PDE2A: variants seen among roughly 807,000 people sequenced by gnomAD.
PDE2A encodes the protein cGMP-dependent 3',5'-cyclic phosphodiesterase.
Under a neutral mutation model 133.6 loss-of-function variants are expected in PDE2A, and 53 were observed. The ratio of observed to expected loss-of-function variants is 0.40; its 90% CI spans 0.32 to 0.50. The LOEUF (loss-of-function observed/expected upper bound fraction) is 0.50, where lower values mean the gene tolerates loss of function less well. Among genes scored for constraint, PDE2A ranks in the 20% least tolerant of loss-of-function variants. The pLI, the probability that PDE2A is intolerant of heterozygous loss-of-function variation, is 0.73. For missense variants in PDE2A, 796 were observed against 1,232.4 expected, an observed-to-expected ratio of 0.65 and a Z score of 5.30; for synonymous variants, 491 against 490.2, an observed-to-expected ratio of 1.00 and a Z score of -0.02.
chr11:72,673,527 C>A (rs1212980274), intron 1 of PDE2A, among the ~76,000 whole-genome samples: 3 of 152,080 alleles, frequency 2.0e-5, no homozygotes, highest in Non-Finnish European at 4.4e-5. Flanking sequence ...GAGGCTGGCA[C>A]CATATTCCAT....
At position 72,581,533 on chromosome 11, in the gene PDE2A, G is replaced by A. The variant is rs879198670; in HGVS notation, c.1923-54C>T. 114 of 1,540,394 alleles carry A rather than the reference G, an allele frequency of 7.4e-5. 3 individuals are homozygous for A. The South Asian group carries it at 8.8e-4, about 12-fold the overall frequency. ...GCCTCAGCCTCTCCTCCTCCATCAC[G>A]GCCCCATGATGGCAAACTACATGTC... On this transcript the variant is annotated intron_variant, in intron 22 of 30. Coordinates refer to ENST00000334456, the MANE Select transcript of PDE2A (RefSeq NM_002599.5).
At chr11:72,584,799 G>A (rs1591020386) in intron 17 of PDE2A, 71 bp from the exon 18 acceptor site, 1 of 1,608,846 alleles carries the variant, frequency 6.2e-7, no homozygotes, top group Non-Finnish European at 8.5e-7. Flanking sequence ...GTTAAACCTC[G>A]GGCCGCTCCC....
At chr11:72,582,718 C>T in intron 20 of PDE2A, 152 bp from the exon 21 acceptor site, 1 of 733,300 alleles carries the variant, frequency 1.4e-6, no homozygotes, top group Non-Finnish European at 2.2e-6. Flanking sequence ...AGGAAATCAC[C>T]ACCCTCCCCT....
At chr11:72,584,519 C>A in intron 18 of PDE2A, 32 bp downstream of exon 18, 2 of 1,556,570 alleles carry the variant, frequency 1.3e-6, no homozygotes, top group Non-Finnish European at 1.7e-6. Flanking sequence ...CCGGCGCAGG[C>A]CCCGCCCCTC....
At chr11:72,650,315 G>A (rs1231156583) in intron 1 of PDE2A, among the ~76,000 whole-genome samples, 2 of 128,146 alleles carry the variant, frequency 1.6e-5, no homozygotes, top group Non-Finnish European at 3.9e-5. Flanking sequence ...GAGCCACCGC[G>A]TGTAGCCAAC....
At chr11:72,593,019 G>A (rs1054308480) in intron 6 of PDE2A, among the ~76,000 whole-genome samples, 1 of 152,070 alleles carries the variant, frequency 6.6e-6, no homozygotes, top group Admixed American at 6.5e-5. Flanking sequence ...CTCAAGAATA[G>A]AGAAGGCTGG....
chr11:72,636,104 C>A, intron 2 of PDE2A: 1 of 1,237,140 alleles, frequency 8.1e-7, no homozygotes, highest in Non-Finnish European at 1.1e-6. Context: ...GGCAGAATGC[C>A]TGCCCCCTGA....
chr11:72,636,970 C>T (rs1224860233), intron 2 of PDE2A, among the ~76,000 whole-genome samples: 2 of 152,198 alleles, frequency 1.3e-5, no homozygotes, highest in African/African-American at 4.8e-5. Flanking sequence ...TTTACCAGTC[C>T]CCATCCCCCC....
chr11:72,594,909 C>G (rs1856401956), intron 6 of PDE2A, among the ~76,000 whole-genome samples: 2 of 152,158 alleles, frequency 1.3e-5, no homozygotes, highest in African/African-American at 4.8e-5. Flanking sequence ...GGTGTCCCTG[C>G]CTTCCCCCAG....
intron 1 of PDE2A, among the ~76,000 whole-genome samples, chr11:72,643,819 C>T (rs573979834): frequency 3.9e-5 from 6 of 152,298 alleles, no homozygotes; most frequent in South Asian, 2.1e-4. Context: ...ACTCAGGGGG[C>T]AGCCCTCCAT....
chr11:72,580,800 G>A (rs576073966), intron 24 of PDE2A, 86 bp downstream of exon 24: 80 of 1,008,676 alleles, frequency 7.9e-5, no homozygotes, highest in East Asian at 7.6e-4. Flanking sequence ...GGTCTCACTC[G>A]CTCCCACCCA....
intron 2 of PDE2A, among the ~76,000 whole-genome samples, chr11:72,620,673 C>T (rs1156851155): frequency 6.6e-6 from 1 of 152,200 alleles, no homozygotes; most frequent in Non-Finnish European, 1.5e-5. Flanking sequence ...CCGACCGGGA[C>T]CAGATCCCCT....
intron 2 of PDE2A, among the ~76,000 whole-genome samples, chr11:72,610,804 G>A (rs1318908244): frequency 1.3e-5 from 2 of 152,112 alleles, no homozygotes; most frequent in African/African-American, 2.4e-5. Context: ...CATCCCAGCA[G>A]GCCTTCAGAC....
intron 11 of PDE2A, 34 bp downstream of exon 11, chr11:72,589,717 C>G (rs1433630734): frequency 6.2e-7 from 1 of 1,608,128 alleles, no homozygotes; most frequent in South Asian, 1.1e-5. Context: ...ACCGCCCCTG[C>G]AGACTCCAAC....
At chr11:72,581,625 G>A (rs969441405) in intron 22 of PDE2A, 146 bp from the exon 23 acceptor site, 15 of 1,001,544 alleles carry the variant, frequency 1.5e-5, no homozygotes, top group Non-Finnish European at 2.2e-5. Flanking sequence ...AAGTTCCTAT[G>A]CACATCTAAC....
At chr11:72,584,167 T>G in intron 19 of PDE2A, 34 bp downstream of exon 19, 1 of 554,886 alleles carries the variant, frequency 1.8e-6, no homozygotes. Context: ...CCGCCCCCTA[T>G]CACCCCACAC....
chr11:72,602,578 G>A (rs1173040193), intron 4 of PDE2A, among the ~76,000 whole-genome samples: 2 of 152,166 alleles, frequency 1.3e-5, no homozygotes, highest in Non-Finnish European at 2.9e-5. Flanking sequence ...GAAGGACCCT[G>A]TACCCAACCC....
intron 1 of PDE2A, among the ~76,000 whole-genome samples, chr11:72,647,172 A>G (rs1859150029): frequency 1.3e-5 from 2 of 152,192 alleles, no homozygotes; most frequent in Non-Finnish European, 2.9e-5. Flanking sequence ...ATAGACTGTA[A>G]GTCTTTTCCT....
chr11:72,652,590 G>A (rs762271098), intron 1 of PDE2A: 4 of 456,252 alleles, frequency 8.8e-6, no homozygotes, highest in South Asian at 4.6e-5. Flanking sequence ...AAAGGGGAAG[G>A]GAGGGGAATG....
Sources: gnomAD v4.1 joint callset for allele counts (sites outside exome capture counted in the v4.1 genomes callset) on GRCh38, gnomAD v4.1.1 for gene constraint, MANE v1.5 for transcripts, NCBI Gene and HGNC (gene_info 2026-07-23, HGNC 2026-07-21) for gene names.